Variants in ADAM32 observed in about 807,000 individuals in gnomAD.
ADAM32 encodes ADAM metallopeptidase domain 32, also known as disintegrin and metalloproteinase domain-containing protein 32.
ADAM32 carries 89 observed loss-of-function variants against 114.9 expected under a neutral mutation model. The observed-to-expected ratio is 0.77, with a 90% CI of 0.65 to 0.92. The LOEUF is 0.92. Ranked by LOEUF, ADAM32 falls within the 40% of genes least tolerant of loss-of-function variation. ADAM32 has a pLI of 0.00. For missense variants in ADAM32, 870 were observed against 932.8 expected (o/e 0.93, Z 0.88); for synonymous variants, 285 against 307.5 (o/e 0.93, Z 0.77).
chr8:39,218,704 G>C (rs768310156), intron 12 of ADAM32, among the ~76,000 whole-genome samples: 4 of 152,152 alleles, frequency 2.6e-5, no homozygotes, highest in Admixed American at 1.3e-4. Context: ...TTTAGGCCCA[G>C]TGATTCCTTA....
At chr8:39,160,056 A>G (rs917392944) in intron 6 of ADAM32, among the ~76,000 whole-genome samples, 2 of 152,160 alleles carry the variant, frequency 1.3e-5, no homozygotes, top group African/African-American at 4.8e-5. Flanking sequence ...CAGTCTGGCC[A>G]GATGTGTACA....
At chr8:39,277,602 G>A (rs6988280) in intron 22 of ADAM32, among the ~76,000 whole-genome samples, 51,344 of 152,034 alleles carry the variant, frequency 0.34, 10,273 homozygotes, top group African/African-American at 0.56. Flanking sequence ...CGAGGTGGGA[G>A]CTGCTAGAGT....
chr8:39,161,765 G>C (rs1804521084), intron 7 of ADAM32, among the ~76,000 whole-genome samples: 1 of 152,042 alleles, frequency 6.6e-6, no homozygotes, highest in Admixed American at 6.6e-5. Flanking sequence ...TGGAGAAAGA[G>C]ATGAAAATAA....
At chr8:39,220,446 T>A (rs1808881592) in intron 12 of ADAM32, among the ~76,000 whole-genome samples, 3 of 152,044 alleles carry the variant, frequency 2.0e-5, no homozygotes, top group Admixed American at 2.0e-4. Flanking sequence ...ATTTCTTTTG[T>A]TCCACTAATT....
At chr8:39,230,133 G>A (rs764320021) in intron 14 of ADAM32, among the ~76,000 whole-genome samples, 17 of 152,140 alleles carry the variant, frequency 1.1e-4, no homozygotes, top group East Asian at 1.9e-4. Flanking sequence ...CAAAGCATTC[G>A]ATAATAGGGT....
rs535673639 is a variant in ADAM32 at position 39,161,655 on chromosome 8, A to G, written c.594+690A>G. Among the ~76,000 whole-genome samples, 108 of 152,306 alleles carry G rather than the reference A, an allele frequency of 7.1e-4. 1 individual carries two copies. Among genetic ancestry groups the G allele is most frequent in the African/African-American group, 2.5e-3 (105 of 41,580 alleles). On this transcript the variant is annotated intron_variant, in intron 7 of 24. Coordinates refer to ENST00000379907, the MANE Select transcript of ADAM32 (RefSeq NM_145004.7). ...GATAAGCCTTTATTTGTGTATACCT[A>G]TGGAATACCACAGCGGGTATGACTA...
At chr8:39,279,288 G>A (rs1454284746) in intron 22 of ADAM32, among the ~76,000 whole-genome samples, 11 of 151,708 alleles carry the variant, frequency 7.3e-5, no homozygotes, top group South Asian at 2.1e-4. Context: ...TGTTTCTTTC[G>A]TCTTTTATTT....
chr8:39,228,126 C>G (rs6474124), intron 14 of ADAM32, among the ~76,000 whole-genome samples: 149,321 of 152,286 alleles, frequency 0.98, 73,268 homozygotes, highest in Middle Eastern at 1. Context: ...CATAGGAAAA[C>G]GGGGAGAGTA....
At chr8:39,228,785 T>C (rs1809554952) in intron 14 of ADAM32, among the ~76,000 whole-genome samples, 1 of 152,206 alleles carries the variant, frequency 6.6e-6, no homozygotes, top group Non-Finnish European at 1.5e-5. Flanking sequence ...AAAACTTCCC[T>C]GGCCTTGCTA....
At chr8:39,166,554 A>C (rs1417160343) in intron 9 of ADAM32, 2 of 152,236 alleles carry the variant, frequency 1.3e-5, no homozygotes, top group Non-Finnish European at 2.9e-5. Flanking sequence ...GTAGATACCC[A>C]GTAGTGGGAT....
chr8:39,130,540 A>G (rs1185086516), intron 2 of ADAM32, among the ~76,000 whole-genome samples: 1 of 152,098 alleles, frequency 6.6e-6, no homozygotes, highest in African/African-American at 2.4e-5. Context: ...CTAAAGCCAC[A>G]CATTTCTCTA....
chr8:39,192,446 T>C (rs902623445), intron 11 of ADAM32, among the ~76,000 whole-genome samples: 3 of 152,220 alleles, frequency 2.0e-5, no homozygotes, highest in Admixed American at 6.5e-5. Context: ...CAGCATATCA[T>C]TGGGTCTTAT....
At chr8:39,242,775 A>G (rs2129449896) in intron 16 of ADAM32, among the ~76,000 whole-genome samples, 1 of 152,334 alleles carries the variant, frequency 6.6e-6, no homozygotes, top group Non-Finnish European at 1.5e-5. Flanking sequence ...GCAGAAGAAA[A>G]TAAGTAACAA....
chr8:39,227,982 C>T (rs1211901844), intron 14 of ADAM32, among the ~76,000 whole-genome samples: 1 of 152,182 alleles, frequency 6.6e-6, no homozygotes, highest in African/African-American at 2.4e-5. Flanking sequence ...CTGAGAGACC[C>T]CTAGACAGTT....
At chr8:39,130,829 T>C (rs1188167085) in intron 2 of ADAM32, 1 of 455,734 alleles carries the variant, frequency 2.2e-6, no homozygotes, top group South Asian at 1.6e-5. Context: ...GAATATTAAT[T>C]ATGCACTTGA....
chr8:39,230,379 G>T (rs1282085727), intron 14 of ADAM32, among the ~76,000 whole-genome samples: 3 of 152,138 alleles, frequency 2.0e-5, no homozygotes, highest in Admixed American at 1.3e-4. Context: ...ATGAGAGGGG[G>T]TTATTGGTAA....
chr8:39,194,902 G>A (rs1468698726), intron 11 of ADAM32, among the ~76,000 whole-genome samples: 1 of 152,196 alleles, frequency 6.6e-6, no homozygotes, highest in Non-Finnish European at 1.5e-5. Flanking sequence ...ACCGGTTGGA[G>A]TTCTGCCTCT....
At chr8:39,191,764 A>G (rs2129447416) in intron 11 of ADAM32, among the ~76,000 whole-genome samples, 1 of 151,976 alleles carries the variant, frequency 6.6e-6, no homozygotes, top group South Asian at 2.1e-4. Flanking sequence ...ATCAGATCTC[A>G]TTTGTCAGTT....
At chr8:39,161,979 G>T (rs1804534164) in intron 7 of ADAM32, among the ~76,000 whole-genome samples, 1 of 134,940 alleles carries the variant, frequency 7.4e-6, no homozygotes, top group Non-Finnish European at 1.6e-5. Context: ...CAAATTGCCA[G>T]GTTTTCTTTT....
Sources: allele counts gnomAD v4.1 joint callset (sites outside exome capture counted in the v4.1 genomes callset), GRCh38; gene constraint gnomAD v4.1.1; transcripts MANE v1.5; gene names NCBI Gene and HGNC (gene_info 2026-07-23, HGNC 2026-07-21).